Variants in TIMM23 observed in about 807,000 individuals in gnomAD.
TIMM23 encodes the protein translocase of inner mitochondrial membrane 23.
A neutral mutation model predicts 30.7 loss-of-function variants in TIMM23; 19 were observed. The ratio of observed to expected loss-of-function variants is 0.62; its 90% confidence interval spans 0.43 to 0.91. The LOEUF is 0.91. Among genes scored for constraint, TIMM23 ranks in the 40% least tolerant of loss-of-function variants. The pLI is 0.00. For synonymous variants in TIMM23, 78 were observed against 98.5 expected (o/e 0.79, Z 1.23); for missense variants, 202 against 269.2 (o/e 0.75, Z 1.75).
rs781839874 is a variant in TIMM23 at position 46,003,190 on chromosome 10, C to G, written c.515-13C>G. On this transcript the variant is annotated splice_polypyrimidine_tract_variant and intron_variant, in intron 6 of 6. Coordinates refer to ENST00000580018, the MANE Select transcript of TIMM23 (RefSeq NM_006327.4). ...TACAGCTATTTCATTTTCCTTTTGTCTCTGTTTCCCAGGTGGTCTTCGAGG... is the reference window on the plus strand; with the variant it reads ...TACAGCTATTTCATTTTCCTTTTGTGTCTGTTTCCCAGGTGGTCTTCGAGG... 1 of 1,603,534 alleles carries G rather than the reference C, an allele frequency of 6.2e-7. No homozygotes were observed. The highest frequency in any genetic ancestry group is 8.5e-7 in the Non-Finnish European group (1 of 1,170,748).
intron 5 of TIMM23, among the ~76,000 whole-genome samples, chr10:45,986,166 G>A (rs61849533): frequency 2.6e-5 from 4 of 152,086 alleles, no homozygotes; most frequent in East Asian, 1.9e-4. Context: ...GTTATGGCAG[G>A]GTAAGGTCCT....
intron 1 of TIMM23, among the ~76,000 whole-genome samples, chr10:45,972,971 TGTTTTCTTAG>T (rs1311140113): frequency 1.3e-5 from 2 of 152,096 alleles, no homozygotes; most frequent in Non-Finnish European, 2.9e-5. Context: ...AGATGATGCA[TGTTTTCTTAG>T]GTTTATATCC....
chr10:45,980,769 T>C (rs1837817686), intron 2 of TIMM23, among the ~76,000 whole-genome samples: 3 of 152,242 alleles, frequency 2.0e-5, no homozygotes, highest in African/African-American at 7.2e-5. Flanking sequence ...ACATTCAATA[T>C]ATTAACATAC....
chr10:45,991,050 C>T (rs1838149693), intron 6 of TIMM23, among the ~76,000 whole-genome samples: 2 of 152,296 alleles, frequency 1.3e-5, no homozygotes, highest in South Asian at 4.1e-4. Context: ...AGTCCAAAGC[C>T]CGTTGTCTTT....
chr10:45,978,065 A>G (rs1328596750), intron 2 of TIMM23, among the ~76,000 whole-genome samples: 2 of 152,022 alleles, frequency 1.3e-5, no homozygotes, highest in East Asian at 3.9e-4. Flanking sequence ...AAAGAATGGA[A>G]AAAGTCCTGG....
intron 2 of TIMM23, among the ~76,000 whole-genome samples, chr10:45,979,494 TG>T (rs1837778992): frequency 1.3e-5 from 2 of 151,354 alleles, no homozygotes; most frequent in South Asian, 4.2e-4. Context: ...TTTGTAGAGA[TG>T]TGATCTGACT....
rs2132265114 is a variant in TIMM23 at position 45,988,621 on chromosome 10, T to G, written c.404-116T>G. 4.1e-6 allele frequency: 3 copies of G among 731,388 alleles called. No homozygotes were observed. In the East Asian group the frequency reaches 7.8e-5, roughly 19 times the overall value. 45.3% of individuals were successfully genotyped at this position (731,388 alleles called of 1,614,324 possible). On this transcript the variant is annotated intron_variant, in intron 5 of 6. Coordinates refer to ENST00000580018, the MANE Select transcript of TIMM23 (RefSeq NM_006327.4). ...TTAACAAGTGATTGTTTTAGTCACT[T>G]AGGAAGGGCTATGGGAGTTATGAGC...
Position 45,972,577 on chromosome 10 carries a change from A to C in TIMM23, c.-48A>C, listed in dbSNP as rs1464757086. On this transcript the variant is annotated 5_prime_UTR_variant, in exon 1 of 7. Transcript: ENST00000580018. The stretch of plus-strand genomic sequence containing the variant: ...TTGAGGAGTAACGGCCCAGCGGACC[A>C]CCCAGGCTTGAGGCAGCGGCGGGAA... 6.2e-7 allele frequency: 1 copy of C among 1,600,612 alleles called. No homozygotes were observed. The highest frequency in any genetic ancestry group is 8.5e-7 in the Non-Finnish European group (1 of 1,172,080).
intron 4 of TIMM23, among the ~76,000 whole-genome samples, chr10:45,983,435 A>G (rs1837904052): frequency 6.6e-6 from 1 of 152,236 alleles, no homozygotes; most frequent in Non-Finnish European, 1.5e-5. Flanking sequence ...TTCCAAAAGG[A>G]TAAGACACAG....
At position 45,988,777 on chromosome 10, in the gene TIMM23, A is replaced by G; in HGVS notation, c.444A>G (p.Thr148=). The G allele has an allele frequency of 1.2e-6, 2 of 1,613,922 alleles. No homozygotes were observed. Among genetic ancestry groups the G allele is most frequent in the South Asian group, 2.2e-5 (2 of 91,078 alleles). ...CATTTGGTGTCATCATTGAGAAAAC[A>G]CGAGGTGCAGAAGATGACCTTAACA... ...YSAFGVIIEK[T]RGAEDDLNTV... The change falls in exon 6 of 7, where the codon ACA becomes ACG. Residue 148 remains threonine, a synonymous_variant. Coordinates refer to ENST00000580018, the MANE Select transcript of TIMM23 (RefSeq NM_006327.4).
At chr10:45,996,288 G>A (rs1554916700) in intron 6 of TIMM23, among the ~76,000 whole-genome samples, 1 of 144,058 alleles carries the variant, frequency 6.9e-6, no homozygotes, top group Non-Finnish European at 1.5e-5. Context: ...CGTGAACCTG[G>A]GAGGCAAGGC....
At chr10:45,975,635 A>C in intron 2 of TIMM23, 123 bp downstream of exon 2, 2 of 1,304,940 alleles carry the variant, frequency 1.5e-6, no homozygotes, top group Non-Finnish European at 2.2e-6. Flanking sequence ...GTCTCCATTC[A>C]CCCTTTTTTC....
In TIMM23 at chr10:45,985,380, T is replaced by C. The variant is rs1395070094; in HGVS notation, c.345-3T>C. 6.2e-7 allele frequency: 1 copy of C among 1,613,346 alleles called. No individual in the cohort carries two copies. Among genetic ancestry groups the C allele is most frequent in the African/African-American group, 1.3e-5 (1 of 74,918 alleles). On this transcript the variant is annotated splice_polypyrimidine_tract_variant and splice_region_variant and intron_variant, in intron 4 of 6. Transcript: ENST00000580018. ...CAGATTCTTTCTCTTTCTGCCCTGA[T>C]AGGATTTTGAATATGGTGACTAGGC...
At chr10:45,987,624 T>C (rs1590120339) in intron 5 of TIMM23, among the ~76,000 whole-genome samples, 1 of 142,818 alleles carries the variant, frequency 7.0e-6, no homozygotes, top group African/African-American at 2.6e-5. Context: ...GATTTTTTTT[T>C]TTTTTTTTTT....
chr10:45,979,751 T>C (rs1446603926), intron 2 of TIMM23, among the ~76,000 whole-genome samples: 2 of 151,970 alleles, frequency 1.3e-5, no homozygotes, highest in Non-Finnish European at 2.9e-5. Flanking sequence ...GTTCGGACCT[T>C]GCCAATTTAA....
chr10:45,996,099 C>T (rs587637186), intron 6 of TIMM23, among the ~76,000 whole-genome samples: 7,724 of 144,858 alleles, frequency 0.053, 232 homozygotes, highest in Non-Finnish European at 0.071. Flanking sequence ...CAGTGGCTCA[C>T]GTCTGTAATC....
intron 5 of TIMM23, among the ~76,000 whole-genome samples, chr10:45,987,922 T>G (rs1838044608): frequency 6.6e-6 from 1 of 152,074 alleles, no homozygotes; most frequent in Admixed American, 6.6e-5. Flanking sequence ...CCACCACACC[T>G]GGCTGGATAT....
At chr10:46,001,542 G>A (rs561001385) in intron 6 of TIMM23, among the ~76,000 whole-genome samples, 6 of 152,236 alleles carry the variant, frequency 3.9e-5, no homozygotes, top group East Asian at 1.9e-4. Flanking sequence ...TAGGACGCTC[G>A]TTGCAGAAAT....
intron 6 of TIMM23, among the ~76,000 whole-genome samples, chr10:45,989,406 C>G (rs1838091418): frequency 6.6e-6 from 1 of 152,140 alleles, no homozygotes. Context: ...TTGCTTCTAC[C>G]TTTTGGCTAT....
Sources: allele counts gnomAD v4.1 joint callset (sites outside exome capture counted in the v4.1 genomes callset), GRCh38; gene constraint gnomAD v4.1.1; transcripts MANE v1.5; gene names NCBI Gene and HGNC (gene_info 2026-07-23, HGNC 2026-07-21).